Variants in GATB observed in about 807,000 individuals in gnomAD.
GATB encodes the protein glutamyl-tRNA amidotransferase subunit B, also known as glutamyl-tRNA(Gln) amidotransferase subunit B, mitochondrial.
Under a neutral mutation model 62.3 loss-of-function variants are expected in GATB, and 39 were observed. That is an observed-to-expected ratio of 0.63 (90% CI 0.48 to 0.82). GATB has a LOEUF of 0.82. GATB is among the 40% of genes least tolerant of loss of function. GATB has a pLI of 0.00. For synonymous variants in GATB, 276 were observed against 258.9 expected (o/e 1.07, Z -0.63); for missense variants, 670 against 684.0 (o/e 0.98, Z 0.23).
chr4:151,749,390 C>T (rs1739667576), intron 2 of GATB, among the ~76,000 whole-genome samples: 1 of 151,930 alleles, frequency 6.6e-6, no homozygotes, highest in Admixed American at 6.6e-5. Context: ...AACCATCATT[C>T]TCAGCAAACT....
intron 9 of GATB, among the ~76,000 whole-genome samples, chr4:151,695,951 T>C (rs1337471022): frequency 6.9e-6 from 1 of 145,810 alleles, no homozygotes; most frequent in African/African-American, 2.7e-5. Context: ...TTTTTTTTTT[T>C]TGTAGAGATA....
chr4:151,672,139 TC>T (rs1737884294), intron 12 of GATB, among the ~76,000 whole-genome samples: 1 of 152,076 alleles, frequency 6.6e-6, no homozygotes, highest in African/African-American at 2.4e-5. Flanking sequence ...ACAATTTTTT[TC>T]CCCACTGAAA....
At chr4:151,710,158 T>C (rs1033541200) in intron 5 of GATB, among the ~76,000 whole-genome samples, 10 of 152,156 alleles carry the variant, frequency 6.6e-5, no homozygotes, top group African/African-American at 2.2e-4. Flanking sequence ...GACCATAGTC[T>C]TCTGTGCACT....
At chr4:151,722,179 T>C in intron 2 of GATB, 1 of 702,204 alleles carries the variant, frequency 1.4e-6, no homozygotes, top group Non-Finnish European at 2.6e-6. Context: ...GAGGATAGGA[T>C]ACAGAATGGG....
At chr4:151,705,415 C>T in intron 6 of GATB, 146 bp from the exon 7 acceptor site, 1 of 610,772 alleles carries the variant, frequency 1.6e-6, no homozygotes, top group Non-Finnish European at 2.9e-6. Flanking sequence ...CCCTTACACA[C>T]TATATTTCCT....
chr4:151,701,135 T>G (rs1268633810), intron 9 of GATB, among the ~76,000 whole-genome samples, 194 bp downstream of exon 9: 2 of 152,214 alleles, frequency 1.3e-5, no homozygotes, highest in Admixed American at 6.5e-5. Context: ...TCTGGTTGTA[T>G]GAAGAGCATT....
At chr4:151,726,290 A>T (rs1352609808) in intron 2 of GATB, among the ~76,000 whole-genome samples, 1 of 152,198 alleles carries the variant, frequency 6.6e-6, no homozygotes, top group African/African-American at 2.4e-5. Context: ...TTTTCATTAC[A>T]GTTGAGAATA....
intron 2 of GATB, among the ~76,000 whole-genome samples, chr4:151,736,749 G>A (rs1465813106): frequency 2.0e-5 from 3 of 152,134 alleles, no homozygotes; most frequent in African/African-American, 7.2e-5. Flanking sequence ...GGACCCGGTG[G>A]GAGGTAATTG....
chr4:151,750,312 T>G lies in GATB; in HGVS notation c.327+8460A>C, dbSNP rs188432508. ...TCCTGGCAGCAACCACCTTCAGATC[T>G]TTGAGCTGTCTCGTTTGGTATTTAT... On this transcript the variant is annotated intron_variant, in intron 2 of 12. Transcript: ENST00000263985. Among the ~76,000 whole-genome samples, 528 of 152,312 alleles carry G rather than the reference T, an allele frequency of 3.5e-3. 3 individuals carry two copies. The highest frequency in any genetic ancestry group is 7.1e-3 in the Admixed American group (109 of 15,302).
chr4:151,726,583 A>G (rs946619038), intron 2 of GATB, among the ~76,000 whole-genome samples: 2 of 152,210 alleles, frequency 1.3e-5, no homozygotes, highest in Non-Finnish European at 2.9e-5. Context: ...TCTTTTGTTT[A>G]AATCCCTCTT....
chr4:151,672,166 A>C (rs752267551), intron 12 of GATB, among the ~76,000 whole-genome samples: 15 of 152,138 alleles, frequency 9.9e-5, no homozygotes, highest in Non-Finnish European at 1.9e-4. Context: ...TCTCTAGACA[A>C]TATGATTAGA....
At chr4:151,702,818 CAGA>C (rs1441102393) in intron 8 of GATB, among the ~76,000 whole-genome samples, 7 of 152,114 alleles carry the variant, frequency 4.6e-5, no homozygotes, top group African/African-American at 1.2e-4. Context: ...GCAGGGTATT[CAGA>C]AGAAGTGGTG....
At chr4:151,731,408 C>T (rs1348368124) in intron 2 of GATB, among the ~76,000 whole-genome samples, 1 of 152,242 alleles carries the variant, frequency 6.6e-6, no homozygotes, top group Non-Finnish European at 1.5e-5. Context: ...GAGTCTCGCT[C>T]ACTCAGTGCT....
intron 11 of GATB, among the ~76,000 whole-genome samples, chr4:151,679,429 G>C (rs529382367): frequency 6.6e-6 from 1 of 152,198 alleles, no homozygotes; most frequent in African/African-American, 2.4e-5. Context: ...AGGGAGCCCT[G>C]GGACTGGCTG....
At chr4:151,727,096 T>C (rs1174563711) in intron 2 of GATB, among the ~76,000 whole-genome samples, 2 of 152,198 alleles carry the variant, frequency 1.3e-5, no homozygotes, top group Non-Finnish European at 2.9e-5. Flanking sequence ...TTTTAATTTA[T>C]ATTTTGAAGA....
At chr4:151,711,499 C>A (rs1738818380) in intron 5 of GATB, among the ~76,000 whole-genome samples, 1 of 152,148 alleles carries the variant, frequency 6.6e-6, no homozygotes, top group African/African-American at 2.4e-5. Flanking sequence ...CACCTCAGGG[C>A]CTTGGCCTTA....
At chr4:151,678,519 C>T (rs1393491582) in intron 11 of GATB, among the ~76,000 whole-genome samples, 1 of 152,090 alleles carries the variant, frequency 6.6e-6, no homozygotes, top group Non-Finnish European at 1.5e-5. Flanking sequence ...AACTGCTCAG[C>T]ATTGTCATAA....
chr4:151,700,133 C>G (rs995676732), intron 9 of GATB, among the ~76,000 whole-genome samples: 2 of 152,158 alleles, frequency 1.3e-5, no homozygotes, highest in Admixed American at 6.5e-5. Context: ...TTGTAAGAGG[C>G]TTTGGGTTAA....
chr4:151,674,067 G>T (rs949053618), intron 11 of GATB: 2 of 152,278 alleles, frequency 1.3e-5, no homozygotes, highest in African/African-American at 4.8e-5. Flanking sequence ...GCCTCAGAAC[G>T]TGCGCTGTGA....
Sources: gnomAD v4.1 joint callset for allele counts (sites outside exome capture counted in the v4.1 genomes callset) on GRCh38, gnomAD v4.1.1 for gene constraint, MANE v1.5 for transcripts, NCBI Gene and HGNC (gene_info 2026-07-23, HGNC 2026-07-21) for gene names.